Variants in TRIM5 observed in about 807,000 individuals in gnomAD.
TRIM5 encodes the protein tripartite motif-containing protein 5.
TRIM5 carries 31 observed loss-of-function variants against 35.6 expected under a neutral mutation model. The observed-to-expected ratio is 0.87, with a 90% confidence interval of 0.65 to 1.18. The LOEUF (loss-of-function observed/expected upper bound fraction) is 1.18. Ranked by LOEUF, TRIM5 falls within the 50% of genes most tolerant of loss-of-function variation. The pLI is 0.00. For missense variants in TRIM5, 609 were observed against 591.6 expected (o/e 1.03, Z -0.31); for synonymous variants, 243 against 215.6 (o/e 1.13, Z -1.11).
At chr11:5,681,834 T>C (rs1182759989) in intron 1 of TRIM5, among the ~76,000 whole-genome samples, 1 of 109,008 alleles carries the variant, frequency 9.2e-6, no homozygotes, top group Non-Finnish European at 1.7e-5. Flanking sequence ...AGTCTTGCTC[T>C]GTCGCCCAGG....
chr11:5,665,432 T>C (rs770481571), intron 7 of TRIM5, 37 bp from the exon 8 acceptor site: 4 of 1,559,630 alleles, frequency 2.6e-6, no homozygotes, highest in Admixed American at 4.0e-5. Context: ...AGGGATATAA[T>C]GTAACTTTAT....
the TRIM5 span, among the ~76,000 whole-genome samples, chr11:5,602,212 G>T: frequency 2.6e-5 from 4 of 151,856 alleles, no homozygotes; most frequent in African/African-American, 9.7e-5. Flanking sequence ...AGGCCAAGGC[G>T]GGCGGATCAT....
Position 5,679,085 on chromosome 11 carries a change from C to A in TRIM5, c.502G>T (p.Ala168Ser), listed in dbSNP as rs1161879371. 1 of 1,613,892 alleles carries A rather than the reference C, an allele frequency of 6.2e-7. No individual in the cohort carries two copies. The highest frequency in any genetic ancestry group is 1.7e-5 in the Admixed American group (1 of 60,018). Residue 168 changes from alanine (A) to serine (S), a missense_variant, in exon 3 of 8, where the codon GCT becomes TCT. Physicochemically the swap from Ala to Ser is moderately conservative, Grantham distance 99. Coordinates refer to ENST00000380034, the MANE Select transcript of TRIM5 (RefSeq NM_033034.3). ...ELEADIREEK[A>S]SWKTQIQYDK... Reference sequence around the variant, plus strand: ...CCACATCCTCTTGCCTTCCAGGAAGCTTTCTCTTCTCTGATGTCAGCTTCT... The same window carrying A: ...CCACATCCTCTTGCCTTCCAGGAAGATTTCTCTTCTCTGATGTCAGCTTCT...
the TRIM5 span, chr11:5,632,375 G>A: frequency 1.2e-6 from 2 of 1,614,116 alleles, no homozygotes; most frequent in Middle Eastern, 1.6e-4. Flanking sequence ...GAGGTGACCT[G>A]TCCCATCTGC....
chr11:5,604,575 G>A, the TRIM5 span: 5 of 1,613,280 alleles, frequency 3.1e-6, no homozygotes, highest in Non-Finnish European at 4.2e-6. Context: ...AGAACGAGGA[G>A]CAGGAAGCTG....
the TRIM5 span, among the ~76,000 whole-genome samples, chr11:5,640,181 C>T: frequency 1.3e-5 from 2 of 152,284 alleles, no homozygotes; most frequent in South Asian, 4.1e-4. Flanking sequence ...TGAGAGCAAA[C>T]ATCCTTGTCT....
chr11:5,658,676 G>C (rs1337032250), downstream of TRIM5, among the ~76,000 whole-genome samples: 2 of 152,146 alleles, frequency 1.3e-5, no homozygotes, highest in Non-Finnish European at 1.5e-5. Context: ...TTGATCTATG[G>C]GTGAGGACAT....
At chr11:5,599,383 A>ATTTATT in the TRIM5 span, among the ~76,000 whole-genome samples, 39 of 146,936 alleles carry the variant, frequency 2.7e-4, no homozygotes, top group African/African-American at 7.2e-4. Context: ...TACAATTATT[A>ATTTATT]TATTTATTTA....
At chr11:5,673,897 AAT>A (rs1368517079) in intron 4 of TRIM5, among the ~76,000 whole-genome samples, 2 of 152,136 alleles carry the variant, frequency 1.3e-5, no homozygotes, top group Non-Finnish European at 2.9e-5. Flanking sequence ...AAATGTATGA[AAT>A]ATAGTTAAAG....
the TRIM5 span, among the ~76,000 whole-genome samples, chr11:5,647,445 AAAATAT>A: frequency 6.6e-6 from 1 of 152,212 alleles, no homozygotes; most frequent in African/African-American, 2.4e-5. Flanking sequence ...ACCCACAGGA[AAAATAT>A]AAATATATAG....
At chr11:5,632,394 G>C in the TRIM5 span, 1 of 1,614,080 alleles carries the variant, frequency 6.2e-7, no homozygotes, top group South Asian at 1.1e-5. Context: ...GCCTGGAGCT[G>C]TTGACAGAAC....
chr11:5,633,926 G>T, the TRIM5 span: 1 of 1,611,282 alleles, frequency 6.2e-7, no homozygotes, highest in Non-Finnish European at 8.5e-7. Context: ...AAGGTTTTCT[G>T]AGACAGGAAT....
At chr11:5,610,466 A>C in the TRIM5 span, 2 of 1,611,910 alleles carry the variant, frequency 1.2e-6, no homozygotes, top group Non-Finnish European at 1.7e-6. Context: ...TCAATGTAGT[A>C]AGGAGAGAGA....
chr11:5,632,822 CTTTTTTTTTT>C, the TRIM5 span: 27 of 982,930 alleles, frequency 2.7e-5, no homozygotes, highest in African/African-American at 5.2e-4. Context: ...CCTTTTCATC[CTTTTTTTTTT>C]TTTTTTTTTT....
chr11:5,670,416 G>A lies in TRIM5; in HGVS notation c.745-2705C>T, dbSNP rs142392856. ...AAGCCAGGATGGTCTCGATCCGCCC[G>A]CCTCGGCCTCCCAAAGTGCTAGGAT... On this transcript the variant is annotated intron_variant, in intron 4 of 7. Coordinates refer to ENST00000380034, the MANE Select transcript of TRIM5 (RefSeq NM_033034.3). 9.4e-3 allele frequency among the ~76,000 whole-genome samples: 1,426 copies of A among 151,564 alleles called. 22 individuals are homozygous for A. Among genetic ancestry groups the A allele is most frequent in the African/African-American group, 0.033 (1,372 of 41,322 alleles).
chr11:5,662,067 A>T (rs1453356919), downstream of TRIM5, among the ~76,000 whole-genome samples: 10 of 152,180 alleles, frequency 6.6e-5, no homozygotes. Context: ...AGCAGAGGTA[A>T]AAGGGAAAAT....
At chr11:5,595,370 G>T in the TRIM5 span, 1 of 152,164 alleles carries the variant, frequency 6.6e-6, no homozygotes. Context: ...AACAAAGATT[G>T]TCTTCTAGTT....
the TRIM5 span, chr11:5,642,932 T>G: frequency 3.2e-6 from 5 of 1,561,238 alleles, no homozygotes; most frequent in Admixed American, 5.5e-5. Context: ...CTTAGCCTCA[T>G]GCATTCTCAG....
At chr11:5,668,427 G>A (rs1255049635) in intron 4 of TRIM5, among the ~76,000 whole-genome samples, 1 of 152,028 alleles carries the variant, frequency 6.6e-6, no homozygotes, top group Non-Finnish European at 1.5e-5. Flanking sequence ...AAGCAAACAA[G>A]TGTACTAAAC....
Sources: allele counts gnomAD v4.1 joint callset (sites outside exome capture counted in the v4.1 genomes callset), GRCh38; gene constraint gnomAD v4.1.1; transcripts MANE v1.5; gene names NCBI Gene and HGNC (gene_info 2026-07-23, HGNC 2026-07-21).